Variants in TAF3 observed in about 807,000 individuals in gnomAD.
TAF3 encodes the protein TATA-box binding protein associated factor 3.
A neutral mutation model predicts 80.6 loss-of-function variants in TAF3; 7 were observed. The observed-to-expected ratio is 0.09, with a 90% CI of 0.05 to 0.16. TAF3 has a LOEUF of 0.16. Ranked by LOEUF, TAF3 falls within the 10% of genes least tolerant of loss-of-function variation. The pLI is 1.00. For synonymous variants in TAF3, 444 were observed against 446.1 expected, an observed-to-expected ratio of 1.00 and a Z score of 0.06; for missense variants, 921 against 1,140.2, an observed-to-expected ratio of 0.81 and a Z score of 2.77.
At chr10:7,999,314 A>G (rs2131433763) in intron 4 of TAF3, among the ~76,000 whole-genome samples, 1 of 152,148 alleles carries the variant, frequency 6.6e-6, no homozygotes, top group East Asian at 1.9e-4. Flanking sequence ...TCTAATGTGG[A>G]TGAGAGAGAC....
At chr10:7,931,872 T>C (rs1837872403) in intron 2 of TAF3, among the ~76,000 whole-genome samples, 1 of 152,174 alleles carries the variant, frequency 6.6e-6, no homozygotes, top group Admixed American at 6.5e-5. Flanking sequence ...TTTGGCCTCA[T>C]GGATAAGACA....
chr10:7,859,310 AT>A (rs1192354398), intron 2 of TAF3, among the ~76,000 whole-genome samples: 52 of 137,042 alleles, frequency 3.8e-4, no homozygotes, highest in African/African-American at 1.2e-3. Flanking sequence ...AAATAAATAA[AT>A]AAATAAAAGA....
chr10:7,897,535 G>T (rs1837516157), intron 2 of TAF3, among the ~76,000 whole-genome samples: 1 of 151,800 alleles, frequency 6.6e-6, no homozygotes, highest in South Asian at 2.1e-4. Flanking sequence ...TTTTTTCATG[G>T]TACCGCTAAG....
At position 7,890,292 on chromosome 10, in the gene TAF3, C is replaced by T. The variant is rs114117798; in HGVS notation, c.409+65732C>T. ...TAAGATTCAGTTCATTTCAGATTCT[C>T]CTTAGCCTCTCCCAGGTACCAAGCC... is the stretch of plus-strand genomic sequence containing the variant. On this transcript the variant is annotated intron_variant, in intron 2 of 6. Transcript: ENST00000344293. Among the ~76,000 whole-genome samples the T allele has an allele frequency of 5.3e-3, 800 of 152,272 alleles. 12 individuals are homozygous for T. The highest frequency in any genetic ancestry group is 0.019 in the African/African-American group (774 of 41,546).
intron 5 of TAF3, among the ~76,000 whole-genome samples, chr10:8,011,780 A>T (rs1189739427): frequency 1.3e-5 from 2 of 152,214 alleles, no homozygotes; most frequent in Admixed American, 1.3e-4. Context: ...TAAACTTGGT[A>T]ATCTCTGTGG....
At chr10:7,913,316 G>T (rs1411865613) in intron 2 of TAF3, among the ~76,000 whole-genome samples, 1 of 152,250 alleles carries the variant, frequency 6.6e-6, no homozygotes, top group East Asian at 1.9e-4. Context: ...GGAAACCAGG[G>T]TTTCTTTGAA....
At chr10:7,868,824 A>C (rs1222341616) in intron 2 of TAF3, among the ~76,000 whole-genome samples, 2 of 152,210 alleles carry the variant, frequency 1.3e-5, no homozygotes, top group Non-Finnish European at 2.9e-5. Context: ...TGTTTTACTT[A>C]TAAGGCAAGT....
intron 4 of TAF3, among the ~76,000 whole-genome samples, chr10:7,992,259 A>T (rs1396705499): frequency 6.6e-6 from 1 of 152,228 alleles, no homozygotes; most frequent in East Asian, 1.9e-4. Context: ...TTTGAAAGGA[A>T]CCCTCAAAGT....
chr10:8,008,965 T>A, intron 4 of TAF3, 113 bp from the exon 5 acceptor site: 2 of 1,413,018 alleles, frequency 1.4e-6, no homozygotes, highest in Non-Finnish European at 1.9e-6. Flanking sequence ...CCTCTAGACG[T>A]TGAAGTATTT....
intron 2 of TAF3, among the ~76,000 whole-genome samples, chr10:7,898,094 A>G (rs1196132953): frequency 2.6e-5 from 4 of 152,082 alleles, no homozygotes; most frequent in Admixed American, 1.3e-4. Context: ...GATTTTATCT[A>G]TCAACCCTTC....
At chr10:8,011,193 G>A (rs1217896825) in intron 5 of TAF3, among the ~76,000 whole-genome samples, 1 of 152,128 alleles carries the variant, frequency 6.6e-6, no homozygotes, top group Non-Finnish European at 1.5e-5. Flanking sequence ...TTGGAAAGTG[G>A]CTGGGTAGGA....
chr10:7,828,942 A>G (rs1329014763), intron 2 of TAF3, among the ~76,000 whole-genome samples: 2 of 149,892 alleles, frequency 1.3e-5, no homozygotes, highest in Non-Finnish European at 3.0e-5. Flanking sequence ...AGATGGGAGA[A>G]TCACTTGAAT....
chr10:7,928,438 A>G (rs887949598), intron 2 of TAF3, among the ~76,000 whole-genome samples: 2 of 152,232 alleles, frequency 1.3e-5, no homozygotes, highest in Non-Finnish European at 2.9e-5. Context: ...GTGTCAAAAA[A>G]TGCCATTTTA....
At chr10:7,979,140 C>T (rs573326315) in intron 4 of TAF3, among the ~76,000 whole-genome samples, 3 of 151,970 alleles carry the variant, frequency 2.0e-5, no homozygotes, top group Admixed American at 6.6e-5. Context: ...GTCAGGAGAT[C>T]GAGACCATCC....
chr10:7,818,946 C>T, intron 1 of TAF3, 71 bp downstream of exon 1: 1 of 1,320,490 alleles, frequency 7.6e-7, no homozygotes, highest in South Asian at 1.8e-5. Flanking sequence ...CTCCCTGTCC[C>T]TCCGCGTCCC....
chr10:7,947,790 T>C (rs1172995051), intron 2 of TAF3, among the ~76,000 whole-genome samples: 2 of 152,138 alleles, frequency 1.3e-5, no homozygotes, highest in Non-Finnish European at 2.9e-5. Flanking sequence ...CAGGAAGCAC[T>C]GGAGGCTTTT....
chr10:7,824,555 A>G lies in TAF3; in HGVS notation c.404A>G (p.Gln135Arg). 5 of 1,613,904 alleles carry G rather than the reference A, an allele frequency of 3.1e-6. No individual in the cohort carries two copies. The highest frequency in any genetic ancestry group is 4.2e-6 in the Non-Finnish European group (5 of 1,179,810). The change falls in exon 2 of 7, where the codon CAA becomes CGA. Residue 135 changes from glutamine to arginine, a missense_variant. This residue lies in a region of TAF3 where 106 missense variants were observed against 191.8 expected (regional missense o/e 0.55). Transcript: ENST00000344293. ...TACCTGCCACCCATTGTGTCTTCTC[A>G]AGAAGGTTTGTGAGTGTTTCTTCTT... Reference protein sequence around the residue: ...PDYLPPIVSSQEEEEEEQVPT... With the variant: ...PDYLPPIVSSREEEEEEQVPT...
chr10:7,909,202 C>G (rs1305163605), intron 2 of TAF3, among the ~76,000 whole-genome samples: 1 of 152,226 alleles, frequency 6.6e-6, no homozygotes, highest in Non-Finnish European at 1.5e-5. Flanking sequence ...AGGTTCATAA[C>G]CCATTCTAGG....
Position 7,837,468 on chromosome 10 carries a change from C to T in TAF3, c.409+12908C>T, listed in dbSNP as rs567037751. On this transcript the variant is annotated intron_variant, in intron 2 of 6. Transcript: ENST00000344293. ...GACCAGCTTGGCCAGCATGGCGAAA[C>T]CTCGTCTCTACTAAAAATACAAAAA... Among the ~76,000 whole-genome samples, 193 of 151,976 alleles carry T rather than the reference C, an allele frequency of 1.3e-3. 1 individual carries two copies. Among genetic ancestry groups the T allele is most frequent in the African/African-American group, 4.5e-3 (187 of 41,464 alleles).
Sources: gnomAD v4.1 joint callset for allele counts (sites outside exome capture counted in the v4.1 genomes callset) on GRCh38, gnomAD v4.1.1 for gene constraint, gnomAD v4.1.1 regional missense constraint, MANE v1.5 for transcripts, NCBI Gene and HGNC (gene_info 2026-07-23, HGNC 2026-07-21) for gene names.